Variants in ANKRD36C observed in about 807,000 individuals in gnomAD.
ANKRD36C encodes ankyrin repeat domain 36C.
ANKRD36C carries 61 observed loss-of-function variants against 276.4 expected under a neutral mutation model. The ratio of observed to expected loss-of-function variants is 0.22; its 90% CI spans 0.18 to 0.27. ANKRD36C has a LOEUF of 0.27. Ranked by LOEUF, ANKRD36C falls within the 10% of genes least tolerant of loss-of-function variation. The pLI is 1.00. For missense variants in ANKRD36C, 1,447 were observed against 2,032.3 expected, an observed-to-expected ratio of 0.71 and a Z score of 5.54; for synonymous variants, 483 against 680.1, an observed-to-expected ratio of 0.71 and a Z score of 4.51.
chr2:95,857,985 G>A (rs1419628663), intron 61 of ANKRD36C, among the ~76,000 whole-genome samples: 5 of 151,864 alleles, frequency 3.3e-5, no homozygotes, highest in Non-Finnish European at 7.4e-5. Context: ...ATTAATCCCA[G>A]GTCTTCAAAT....
intron 30 of ANKRD36C, among the ~76,000 whole-genome samples, chr2:95,924,157 T>A (rs1677347518): frequency 6.6e-6 from 1 of 151,678 alleles, no homozygotes; most frequent in Non-Finnish European, 1.5e-5. Flanking sequence ...ACAATGACAC[T>A]TCAGTTGAAT....
At chr2:95,971,513 A>G (rs1210456139) in intron 6 of ANKRD36C, among the ~76,000 whole-genome samples, 2 of 152,044 alleles carry the variant, frequency 1.3e-5, no homozygotes, top group East Asian at 3.8e-4. Context: ...ATTTTTTAAA[A>G]AGATTTTCAC....
intron 1 of ANKRD36C, among the ~76,000 whole-genome samples, chr2:95,988,940 G>C (rs1455578509): frequency 6.6e-6 from 1 of 152,112 alleles, no homozygotes; most frequent in Non-Finnish European, 1.5e-5. Flanking sequence ...GGCCGAGGCG[G>C]GGGGATCACC....
chr2:95,970,419 A>G (rs1020972880), intron 6 of ANKRD36C, among the ~76,000 whole-genome samples: 2 of 152,172 alleles, frequency 1.3e-5, no homozygotes, highest in African/African-American at 4.8e-5. Flanking sequence ...TTTCCTTGTC[A>G]GAGAGAAGCT....
intron 3 of ANKRD36C, among the ~76,000 whole-genome samples, chr2:95,983,978 A>G (rs1452334242): frequency 2.6e-5 from 4 of 152,202 alleles, no homozygotes; most frequent in Non-Finnish European, 5.9e-5. Context: ...TGCAATATGC[A>G]TAACCTATGC....
chr2:95,874,292 C>A (rs1410986916), intron 59 of ANKRD36C, among the ~76,000 whole-genome samples: 2 of 152,186 alleles, frequency 1.3e-5, no homozygotes, highest in African/African-American at 4.8e-5. Flanking sequence ...TACAAGGCTA[C>A]AGTAACCAAA....
intron 59 of ANKRD36C, among the ~76,000 whole-genome samples, chr2:95,869,225 G>T (rs1675747823): frequency 6.6e-6 from 1 of 152,036 alleles, no homozygotes; most frequent in African/African-American, 2.4e-5. Context: ...TTGTAACTAA[G>T]AAGTGAAAAA....
chr2:95,874,058 G>T (rs1345445556), intron 59 of ANKRD36C, among the ~76,000 whole-genome samples: 1 of 151,972 alleles, frequency 6.6e-6, no homozygotes, highest in Non-Finnish European at 1.5e-5. Flanking sequence ...AACATTCCAT[G>T]CTCATGGGTA....
chr2:95,988,936 G>C (rs1438201697), intron 1 of ANKRD36C, among the ~76,000 whole-genome samples: 1 of 152,158 alleles, frequency 6.6e-6, no homozygotes, highest in East Asian at 1.9e-4. Flanking sequence ...GGGAGGCCGA[G>C]GCGGGGGGAT....
intron 64 of ANKRD36C, chr2:95,852,902 A>C (rs1425546719): frequency 1.9e-4 from 29 of 152,330 alleles, no homozygotes; most frequent in Admixed American, 1.8e-3. Flanking sequence ...GGTCATCATT[A>C]GGAGAGAAGT....
At chr2:95,852,358 T>C (rs1042335144) in intron 64 of ANKRD36C, 162 bp from the exon 85 acceptor site, 3 of 635,206 alleles carry the variant, frequency 4.7e-6, no homozygotes, top group Non-Finnish European at 8.2e-6. Context: ...TACCTGTTTT[T>C]TGTAATTAAT....
intron 59 of ANKRD36C, among the ~76,000 whole-genome samples, chr2:95,874,086 T>G (rs1482425729): frequency 6.6e-6 from 1 of 151,756 alleles, no homozygotes; most frequent in Non-Finnish European, 1.5e-5. Flanking sequence ...TCAGTATGGT[T>G]AAAATGGCCA....
chr2:95,893,624 G>T lies in ANKRD36C; in HGVS notation c.2756-1764C>A. 6.3e-7 allele frequency: 1 copy of T among 1,588,578 alleles called. No individual in the cohort carries two copies. The highest frequency in any genetic ancestry group is 1.1e-5 in the South Asian group (1 of 88,726). ...CTGTAGCCTGAATGGAATTTGAAATGAAATAATAAATAAAATATGTTTCAT... is the reference window on the plus strand; with the variant it reads ...CTGTAGCCTGAATGGAATTTGAAATTAAATAATAAATAAAATATGTTTCAT... On this transcript the variant is annotated intron_variant, in intron 44 of 66. Coordinates refer to ENST00000456556, the Ensembl canonical transcript of ANKRD36C.
chr2:95,956,945 C>T (rs1678341637), intron 12 of ANKRD36C, 129 bp from the exon 13 acceptor site: 3 of 835,154 alleles, frequency 3.6e-6, no homozygotes, highest in African/African-American at 1.7e-5. Flanking sequence ...AGAAATATCA[C>T]TTGAGAAGCC....
At chr2:95,907,918 C>T (rs1676789945) in intron 42 of ANKRD36C, among the ~76,000 whole-genome samples, 1 of 149,194 alleles carries the variant, frequency 6.7e-6, no homozygotes, top group South Asian at 2.2e-4. Flanking sequence ...CCTGGAGCAG[C>T]CAAAATCAAA....
intron 44 of ANKRD36C, among the ~76,000 whole-genome samples, chr2:95,896,778 T>C (rs1302166503): frequency 6.7e-6 from 1 of 149,280 alleles, no homozygotes; most frequent in East Asian, 2.0e-4. Context: ...ATTATATAAA[T>C]GACTTCCTCT....
exon 66 of ANKRD36C, chr2:95,851,783 C>G: frequency 1.3e-6 from 2 of 1,532,722 alleles, no homozygotes; most frequent in East Asian, 2.4e-5. Flanking sequence ...TTTTCTACTT[C>G]AAGCCTAAAA....
intron 44 of ANKRD36C, 120 bp downstream of exon 64, chr2:95,893,413 A>G: frequency 7.2e-7 from 1 of 1,392,170 alleles, no homozygotes; most frequent in East Asian, 2.5e-5. Flanking sequence ...CAAATGAAGA[A>G]TCTCCGGCCT....
chr2:95,935,857 T>C (rs573631640), intron 22 of ANKRD36C, among the ~76,000 whole-genome samples: 1 of 152,344 alleles, frequency 6.6e-6, no homozygotes, highest in African/African-American at 2.4e-5. Context: ...TAGAACGCTA[T>C]GGTGTACCCT....
Sources: allele counts gnomAD v4.1 joint callset (sites outside exome capture counted in the v4.1 genomes callset), GRCh38; gene constraint gnomAD v4.1.1; transcripts MANE v1.5; gene names NCBI Gene and HGNC (gene_info 2026-07-23, HGNC 2026-07-21).